CEP83: variants seen among roughly 807,000 people sequenced by gnomAD.
CEP83 encodes centrosomal protein 83.
A neutral mutation model predicts 101.9 loss-of-function variants in CEP83; 70 were observed. The ratio of observed to expected loss-of-function variants is 0.69; its 90% confidence interval spans 0.57 to 0.84. The LOEUF is 0.84. Ranked by LOEUF, CEP83 falls within the 40% of genes least tolerant of loss-of-function variation. The probability of loss-of-function intolerance (pLI) is 0.00; values close to 1 mark genes in which losing one functional copy is unlikely to be tolerated. For missense variants in CEP83, 715 were observed against 787.2 expected, an observed-to-expected ratio of 0.91 and a Z score of 1.10; for synonymous variants, 264 against 267.9, an observed-to-expected ratio of 0.99 and a Z score of 0.14.
At chr12:94,318,409 T>C (rs900037929) in intron 14 of CEP83, among the ~76,000 whole-genome samples, 2 of 152,164 alleles carry the variant, frequency 1.3e-5, no homozygotes, top group Admixed American at 1.3e-4. Flanking sequence ...TATTTCTTTC[T>C]TTCTCTTGCC....
At chr12:94,422,168 T>C (rs1419124198) in intron 2 of CEP83, among the ~76,000 whole-genome samples, 1 of 152,208 alleles carries the variant, frequency 6.6e-6, no homozygotes, top group African/African-American at 2.4e-5. Flanking sequence ...TTTGGGAGGT[T>C]CTAAGTTGCT....
intron 11 of CEP83, among the ~76,000 whole-genome samples, chr12:94,342,932 C>T (rs1464849527): frequency 6.6e-6 from 1 of 152,012 alleles, no homozygotes; most frequent in Non-Finnish European, 1.5e-5. Context: ...CAAAGAGTCA[C>T]ATACAGAAAC....
At chr12:94,417,554 C>T (rs546989529) in intron 2 of CEP83, among the ~76,000 whole-genome samples, 2 of 151,784 alleles carry the variant, frequency 1.3e-5, no homozygotes, top group South Asian at 4.2e-4. Context: ...TTTGGGAGGC[C>T]GAGGCAGGTG....
chr12:94,303,713 ACTC>A, downstream of CEP83: 11 of 869,460 alleles, frequency 1.3e-5, no homozygotes, highest in Non-Finnish European at 1.4e-5. Flanking sequence ...TTTTTTTTTT[ACTC>A]TTTTGGTGAT....
At chr12:94,349,002 C>A (rs1179798051) in intron 11 of CEP83, among the ~76,000 whole-genome samples, 1 of 151,848 alleles carries the variant, frequency 6.6e-6, no homozygotes, top group Non-Finnish European at 1.5e-5. Context: ...TTTGTCTAAT[C>A]CCACCAGGTG....
intron 14 of CEP83, among the ~76,000 whole-genome samples, chr12:94,314,676 T>C (rs1303212872): frequency 6.6e-6 from 1 of 152,224 alleles, no homozygotes; most frequent in Non-Finnish European, 1.5e-5. Flanking sequence ...CGAGCATTCA[T>C]TCTCATGCTT....
intron 11 of CEP83, among the ~76,000 whole-genome samples, chr12:94,348,116 T>A (rs78505892): frequency 0.022 from 3,340 of 151,018 alleles, 101 homozygotes; most frequent in African/African-American, 0.065. Context: ...ACAAAAAAAA[T>A]ATATATATAT....
At chr12:94,380,871 T>G (rs1463441583) in intron 6 of CEP83, among the ~76,000 whole-genome samples, 1 of 152,184 alleles carries the variant, frequency 6.6e-6, no homozygotes, top group Non-Finnish European at 1.5e-5. Context: ...TTCCACGTTT[T>G]GGGAGGCATC....
intron 1 of CEP83, among the ~76,000 whole-genome samples, chr12:94,457,559 A>G (rs1041287581): frequency 1.3e-5 from 2 of 152,194 alleles, no homozygotes; most frequent in Non-Finnish European, 2.9e-5. Context: ...TGTCTCCTCC[A>G]TCTTGCCCAA....
downstream of CEP83, chr12:94,305,170 A>T (rs1221353284): frequency 6.4e-7 from 1 of 1,556,632 alleles, no homozygotes; most frequent in Non-Finnish European, 8.8e-7. Flanking sequence ...AACTGTTCTA[A>T]TTGTCAACAG....
At chr12:94,298,550 G>C in the CEP83 span, 1 of 1,114,428 alleles carries the variant, frequency 9.0e-7, no homozygotes, top group Non-Finnish European at 1.3e-6. Context: ...TTCTCTGAAT[G>C]TGGATTTGCT....
At chr12:94,301,101 T>C in the CEP83 span, 1 of 1,558,136 alleles carries the variant, frequency 6.4e-7, no homozygotes, top group South Asian at 1.1e-5. Flanking sequence ...TCTTATGAGT[T>C]TGACATACTT....
At chr12:94,409,924 C>A (rs1735368491) in intron 4 of CEP83, among the ~76,000 whole-genome samples, 2 of 152,106 alleles carry the variant, frequency 1.3e-5, no homozygotes, top group African/African-American at 2.4e-5. Context: ...ATCAGCTTAA[C>A]TAATTACATC....
At chr12:94,293,169 T>G in the CEP83 span, among the ~76,000 whole-genome samples, 1 of 152,228 alleles carries the variant, frequency 6.6e-6, no homozygotes, top group African/African-American at 2.4e-5. Flanking sequence ...GTAACAGTAG[T>G]TTGCTCATTT....
the CEP83 span, chr12:94,281,925 A>T: frequency 4.6e-6 from 1 of 217,726 alleles, no homozygotes; most frequent in African/African-American, 2.3e-5. Flanking sequence ...CACCCCGAAC[A>T]GGAGCCTACA....
chr12:94,383,829 T>C (rs1234389580), intron 6 of CEP83, among the ~76,000 whole-genome samples: 1 of 152,140 alleles, frequency 6.6e-6, no homozygotes, highest in East Asian at 1.9e-4. Context: ...CATGGTCTAC[T>C]GAATTCATTT....
At chr12:94,341,086 A>AATTTTTAC (rs2059664978) in intron 11 of CEP83, among the ~76,000 whole-genome samples, 1 of 152,214 alleles carries the variant, frequency 6.6e-6, no homozygotes, top group East Asian at 1.9e-4. Context: ...AAACTCCTTT[A>AATTTTTAC]ATTTTTACAT....
intron 4 of CEP83, among the ~76,000 whole-genome samples, chr12:94,406,037 A>C (rs1279448073): frequency 6.6e-6 from 1 of 152,190 alleles, no homozygotes; most frequent in East Asian, 1.9e-4. Flanking sequence ...GTTCCCCAAA[A>C]ACAGATTAAA....
chr12:94,271,822 G>A, the CEP83 span, among the ~76,000 whole-genome samples: 1 of 152,206 alleles, frequency 6.6e-6, no homozygotes, highest in Non-Finnish European at 1.5e-5. Flanking sequence ...TGTCCCGTCA[G>A]TATTCTTTTT....
Sources: allele counts gnomAD v4.1 joint callset (sites outside exome capture counted in the v4.1 genomes callset), GRCh38; gene constraint gnomAD v4.1.1; transcripts MANE v1.5; gene names NCBI Gene and HGNC (gene_info 2026-07-23, HGNC 2026-07-21).